SLC38A6: variants seen among roughly 807,000 people sequenced by gnomAD.
The protein encoded by SLC38A6 is solute carrier family 38 member 6.
A neutral mutation model predicts 65.0 loss-of-function variants in SLC38A6; 73 were observed. The observed-to-expected ratio is 1.12, with a 90% CI of 0.93 to 1.37. SLC38A6 has a LOEUF of 1.37. Ranked by LOEUF, SLC38A6 falls within the 40% of genes most tolerant of loss-of-function variation. The pLI is 0.00. For synonymous variants in SLC38A6, 183 were observed against 178.8 expected, an observed-to-expected ratio of 1.02 and a Z score of -0.19; for missense variants, 561 against 531.1, an observed-to-expected ratio of 1.06 and a Z score of -0.55.
At chr14:61,005,282 T>G (rs923856578) in intron 3 of SLC38A6, among the ~76,000 whole-genome samples, 1 of 141,204 alleles carries the variant, frequency 7.1e-6, no homozygotes, top group African/African-American at 2.5e-5. Context: ...AAGACAGGGA[T>G]GCCCTCTCTC....
chr14:61,013,702 G>C (rs1377868880), intron 3 of SLC38A6, among the ~76,000 whole-genome samples: 1 of 152,176 alleles, frequency 6.6e-6, no homozygotes, highest in East Asian at 1.9e-4. Flanking sequence ...TAAGAATGTT[G>C]AATATTGGCC....
At chr14:61,010,529 G>A (rs1377985565) in intron 3 of SLC38A6, among the ~76,000 whole-genome samples, 1 of 152,178 alleles carries the variant, frequency 6.6e-6, no homozygotes, top group African/African-American at 2.4e-5. Context: ...TAACATTTAA[G>A]TCTTTAATCC....
At chr14:60,999,400 A>AT (rs1256625501) in intron 3 of SLC38A6, among the ~76,000 whole-genome samples, 7 of 152,052 alleles carry the variant, frequency 4.6e-5, no homozygotes, top group Admixed American at 3.3e-4. Context: ...TGTGCTCCTC[A>AT]TTTTTTTTCT....
At position 61,046,155 on chromosome 14, in the gene SLC38A6, C is replaced by A; in HGVS notation, c.913C>A (p.Leu305Ile). Residue 305 changes from leucine (L) to isoleucine (I), a missense_variant, in exon 12 of 16, where the codon CTC (leucine) becomes ATC (isoleucine). Leu to Ile is a conservative substitution (Grantham distance 5, BLOSUM62 2). Transcript: ENST00000267488. ...IYFISALFGY[L>I]TFYDKVESEL... ...TTTTATATCTGCACTCTTTGGGTACCTCACTTTTTATGGTAAGTACATTTT... is the reference window on the plus strand; with the variant it reads ...TTTTATATCTGCACTCTTTGGGTACATCACTTTTTATGGTAAGTACATTTT... 1.3e-6 allele frequency: 2 copies of A among 1,594,082 alleles called. No homozygotes were observed. Among genetic ancestry groups the A allele is most frequent in the Non-Finnish European group, 1.7e-6 (2 of 1,163,732 alleles).
intron 3 of SLC38A6, among the ~76,000 whole-genome samples, chr14:61,001,742 C>G (rs1337597424): frequency 2.6e-5 from 4 of 152,212 alleles, no homozygotes; most frequent in Admixed American, 2.6e-4. Flanking sequence ...AAAAGCTCAG[C>G]TACACTAATC....
intron 3 of SLC38A6, among the ~76,000 whole-genome samples, chr14:61,011,941 T>G (rs2039604070): frequency 1.3e-5 from 2 of 152,320 alleles, no homozygotes; most frequent in South Asian, 2.1e-4. Flanking sequence ...TTGATTGGAA[T>G]AGTTTCAGAA....
intron 3 of SLC38A6, among the ~76,000 whole-genome samples, chr14:61,012,966 C>T (rs2039694673): frequency 6.6e-6 from 1 of 152,110 alleles, no homozygotes; most frequent in Non-Finnish European, 1.5e-5. Flanking sequence ...GTGGATCTGT[C>T]TAATGTTAAC....
chr14:60,997,988 AT>A (rs1170436824), intron 3 of SLC38A6, among the ~76,000 whole-genome samples: 1 of 152,108 alleles, frequency 6.6e-6, no homozygotes, highest in Non-Finnish European at 1.5e-5. Flanking sequence ...TAAGAAAGAG[AT>A]AAATAAGAGC....
At chr14:61,083,532 G>T in intron 16 of SLC38A6, 5 of 1,547,300 alleles carry the variant, frequency 3.2e-6, no homozygotes, top group Non-Finnish European at 4.4e-6. Flanking sequence ...AATTCAATGT[G>T]ACTGGTGTTC....
At position 60,981,386 on chromosome 14, in the gene SLC38A6, A is replaced by AG. The variant is rs755669020; in HGVS notation, c.105+5dup. On this transcript the variant is annotated splice_donor_region_variant and intron_variant, in intron 1 of 15. Coordinates refer to ENST00000267488, the MANE Select transcript of SLC38A6 (RefSeq NM_153811.3). ...GTTGAGTCCGTTGCTAAGCAACGTA[A>AG]GTGGGCTGTGTTCGCTTCCCCGCGC... is the stretch of plus-strand genomic sequence containing the variant. The AG allele has an allele frequency of 1.3e-6, 2 of 1,590,548 alleles. No homozygotes were observed. Among genetic ancestry groups the AG allele is most frequent in the African/African-American group, 2.7e-5 (2 of 74,578 alleles).
At chr14:60,987,698 C>T (rs1426751671) in intron 3 of SLC38A6, 3 of 152,216 alleles carry the variant, frequency 2.0e-5, no homozygotes, top group Non-Finnish European at 4.4e-5. Context: ...ATAGTTGGTT[C>T]GTTGCCATTC....
At chr14:61,024,843 A>G (rs2040524742) in intron 5 of SLC38A6, among the ~76,000 whole-genome samples, 1 of 152,226 alleles carries the variant, frequency 6.6e-6, no homozygotes, top group Non-Finnish European at 1.5e-5. Flanking sequence ...TGGTTTCACA[A>G]CTTGCCCAAT....
intron 15 of SLC38A6, among the ~76,000 whole-genome samples, chr14:61,067,740 G>A (rs1301753533): frequency 1.3e-5 from 2 of 151,802 alleles, no homozygotes; most frequent in Non-Finnish European, 2.9e-5. Flanking sequence ...CATATGTATA[G>A]GTACACATAT....
intron 3 of SLC38A6, chr14:61,002,302 T>G (rs1404680402): frequency 2.6e-5 from 4 of 151,848 alleles, no homozygotes; most frequent in Admixed American, 1.3e-4. Flanking sequence ...TAGTGAATAT[T>G]CAAAAAATGA....
chr14:61,054,936 G>A (rs536866716), downstream of SLC38A6, among the ~76,000 whole-genome samples: 5 of 151,912 alleles, frequency 3.3e-5, no homozygotes, highest in Admixed American at 2.6e-4. Flanking sequence ...TCGTCTTAAC[G>A]CCAGTTTTCA....
intron 15 of SLC38A6, among the ~76,000 whole-genome samples, chr14:61,061,172 C>T (rs1295006202): frequency 6.6e-6 from 1 of 152,176 alleles, no homozygotes; most frequent in Admixed American, 6.5e-5. Context: ...TATCAGAAGC[C>T]TTTTCTGCAC....
At chr14:61,041,314 A>G (rs10143574) in intron 8 of SLC38A6, among the ~76,000 whole-genome samples, 141,820 of 152,202 alleles carry the variant, frequency 0.93, 66,462 homozygotes, top group Non-Finnish European at 0.99. Flanking sequence ...ATACCACCAT[A>G]CAGGCTTGGA....
At chr14:61,040,532 G>C (rs1374828723) in intron 8 of SLC38A6, among the ~76,000 whole-genome samples, 1 of 152,012 alleles carries the variant, frequency 6.6e-6, no homozygotes, top group Non-Finnish European at 1.5e-5. Flanking sequence ...GTAGAGACAG[G>C]GTTTGACCGT....
Position 61,019,645 on chromosome 14 carries a change from A to G in SLC38A6, c.403+65A>G, listed in dbSNP as rs2040235377. On this transcript the variant is annotated intron_variant, in intron 5 of 15. Coordinates refer to ENST00000267488, the MANE Select transcript of SLC38A6 (RefSeq NM_153811.3). ...TGGCAATAATGTCCTTTGAATTGTTATCTTACTACAGATCTAGCTGGGAAC... is the reference window on the plus strand; with the variant it reads ...TGGCAATAATGTCCTTTGAATTGTTGTCTTACTACAGATCTAGCTGGGAAC... 5 of 1,513,312 alleles carry G rather than the reference A, an allele frequency of 3.3e-6. No homozygotes were observed. In the African/African-American group the frequency reaches 5.5e-5, roughly 17 times the overall value. The allele number at this position is 1,513,312 out of a possible 1,614,324, so 93.7% of individuals were successfully genotyped here. A position where few individuals can be genotyped will look rare whatever the true frequency, so the allele number is the denominator to read the frequency against.
Sources: gnomAD v4.1 joint callset for allele counts (sites outside exome capture counted in the v4.1 genomes callset) on GRCh38, gnomAD v4.1.1 for gene constraint, MANE v1.5 for transcripts, NCBI Gene and HGNC (gene_info 2026-07-23, HGNC 2026-07-21) for gene names.